Variants in PEBP4 observed in about 807,000 individuals in gnomAD.
PEBP4 encodes the protein phosphatidylethanolamine binding protein 4, also known as phosphatidylethanolamine-binding protein 4.
PEBP4 carries 22 observed loss-of-function variants against 23.9 expected under a neutral mutation model. The ratio of observed to expected loss-of-function variants is 0.92; its 90% CI spans 0.66 to 1.31. The LOEUF (loss-of-function observed/expected upper bound fraction) is 1.31, where lower values mean the gene tolerates loss of function less well. Among genes scored for constraint, PEBP4 ranks in the 40% most tolerant of loss-of-function variants. The probability of loss-of-function intolerance (pLI) is 0.00; values close to 1 mark genes in which losing one functional copy is unlikely to be tolerated. For missense variants in PEBP4, 324 were observed against 281.7 expected (o/e 1.15, Z -1.07); for synonymous variants, 112 against 99.3 (o/e 1.13, Z -0.76).
intron 3 of PEBP4, among the ~76,000 whole-genome samples, chr8:22,916,360 C>G (rs549184441): frequency 6.6e-6 from 1 of 152,304 alleles, no homozygotes; most frequent in East Asian, 1.9e-4. Context: ...GGGAGAAACG[C>G]TTCCTCTTAC....
intron 3 of PEBP4, chr8:22,884,906 A>C (rs969992452): frequency 8.5e-5 from 13 of 152,328 alleles, no homozygotes; most frequent in African/African-American, 3.1e-4. Flanking sequence ...CATCCTTCAA[A>C]GTATGGCCAA....
At chr8:22,905,783 T>A (rs1006780796) in intron 3 of PEBP4, among the ~76,000 whole-genome samples, 1 of 152,144 alleles carries the variant, frequency 6.6e-6, no homozygotes, top group Non-Finnish European at 1.5e-5. Flanking sequence ...GGCCCTGGGA[T>A]GTTGCTGGTG....
chr8:22,794,229 G>A (rs1301176067), intron 4 of PEBP4, among the ~76,000 whole-genome samples: 1 of 152,012 alleles, frequency 6.6e-6, no homozygotes, highest in African/African-American at 2.4e-5. Flanking sequence ...ACTAGGTATT[G>A]TCCTATGCAC....
intron 3 of PEBP4, among the ~76,000 whole-genome samples, chr8:22,854,926 A>ATGTGTGTGTG (rs113480248): frequency 1.2e-4 from 16 of 133,218 alleles, no homozygotes; most frequent in African/African-American, 3.6e-4. Flanking sequence ...TGAGATTAGA[A>ATGTGTGTGTG]TGTGTGTGTG....
chr8:22,760,570 C>CA lies in PEBP4; in HGVS notation c.358-33351dup, dbSNP rs542976165. Among the ~76,000 whole-genome samples, 728 of 151,590 alleles carry CA rather than the reference C, an allele frequency of 4.8e-3. 8 individuals carry two copies. The highest frequency in any genetic ancestry group is 0.017 in the African/African-American group (693 of 41,300). On this transcript the variant is annotated intron_variant, in intron 4 of 6. Transcript: ENST00000256404. The stretch of plus-strand genomic sequence containing the variant: ...GCTGAGGCCAGGGAAGGGAGGATGG[C>CA]AGGGGGGGCAGTTGAGTGGACAACG...
intron 1 of PEBP4, among the ~76,000 whole-genome samples, chr8:22,934,759 G>A (rs148485716): frequency 6.6e-6 from 1 of 152,346 alleles, no homozygotes; most frequent in East Asian, 1.9e-4. Context: ...TTGAGTCATT[G>A]TCTATCAGTA....
At chr8:22,851,258 C>A (rs866281897) in intron 3 of PEBP4, among the ~76,000 whole-genome samples, 2 of 152,152 alleles carry the variant, frequency 1.3e-5, no homozygotes, top group Admixed American at 6.5e-5. Context: ...GCGAAAGACC[C>A]GGAGCCCAAA....
At chr8:22,794,788 A>T (rs1806209309) in intron 4 of PEBP4, among the ~76,000 whole-genome samples, 1 of 152,130 alleles carries the variant, frequency 6.6e-6, no homozygotes, top group Non-Finnish European at 1.5e-5. Flanking sequence ...ACATGTGAAG[A>T]GGTATTTTCC....
Position 22,876,631 on chromosome 8 carries a change from G to A in PEBP4, c.258+43553C>T, listed in dbSNP as rs190528815. 1.3e-3 allele frequency among the ~76,000 whole-genome samples: 197 copies of A among 152,308 alleles called. 1 individual carries two copies. Among genetic ancestry groups the A allele is most frequent in the Non-Finnish European group, 1.8e-3 (122 of 68,026 alleles). The stretch of plus-strand genomic sequence containing the variant: ...TGCAGCCCAGGGGCACCTCACAAAC[G>A]TGCTTCATCGATGACAGTGTATGTT... On this transcript the variant is annotated intron_variant, in intron 3 of 6. Coordinates refer to ENST00000256404, the MANE Select transcript of PEBP4 (RefSeq NM_144962.3).
intron 4 of PEBP4, among the ~76,000 whole-genome samples, chr8:22,799,220 C>A (rs923484637): frequency 3.9e-5 from 6 of 152,208 alleles, no homozygotes; most frequent in Non-Finnish European, 8.8e-5. Flanking sequence ...ACATCTCTCA[C>A]TTTCTGTCAT....
intron 4 of PEBP4, among the ~76,000 whole-genome samples, chr8:22,781,475 C>T (rs1805913849): frequency 6.6e-6 from 1 of 152,146 alleles, no homozygotes; most frequent in Non-Finnish European, 1.5e-5. Context: ...ACAATTTTCT[C>T]AGCATCACAG....
intron 3 of PEBP4, among the ~76,000 whole-genome samples, chr8:22,822,355 G>GTGTGTGTGTGTGTGTGTGTGTGTGTA (rs1554489116): frequency 0.032 from 565 of 17,762 alleles, 4 homozygotes; most frequent in African/African-American, 0.043. Context: ...ATATACTAAA[G>GTGTGTGTGTGTGTGTGTGTGTGTGTA]TGTGTGTGTG....
At chr8:22,758,663 T>C (rs1057062487) in intron 4 of PEBP4, among the ~76,000 whole-genome samples, 1 of 152,194 alleles carries the variant, frequency 6.6e-6, no homozygotes, top group African/African-American at 2.4e-5. Context: ...ATTCTAATGA[T>C]GCCTACTTCA....
intron 4 of PEBP4, among the ~76,000 whole-genome samples, chr8:22,804,779 G>A (rs1295208365): frequency 2.0e-5 from 3 of 152,036 alleles, no homozygotes; most frequent in Non-Finnish European, 2.9e-5. Flanking sequence ...CTAACAAACG[G>A]TTAGAACCTC....
chr8:22,936,929 G>C (rs1176689345), intron 1 of PEBP4, among the ~76,000 whole-genome samples: 5 of 152,036 alleles, frequency 3.3e-5, no homozygotes, highest in Admixed American at 6.5e-5. Context: ...AACAAACTAG[G>C]AAGGGAAAGA....
intron 6 of PEBP4, among the ~76,000 whole-genome samples, chr8:22,723,711 G>T (rs574121822): frequency 6.6e-6 from 1 of 152,324 alleles, no homozygotes; most frequent in South Asian, 2.1e-4. Flanking sequence ...ACAGATTCAC[G>T]GATTGGCAAG....
intron 3 of PEBP4, among the ~76,000 whole-genome samples, chr8:22,824,536 C>G: frequency 6.6e-6 from 1 of 152,194 alleles, no homozygotes; most frequent in East Asian, 1.9e-4. Flanking sequence ...AAGCACATTA[C>G]ATTTATTGTG....
intron 4 of PEBP4, among the ~76,000 whole-genome samples, chr8:22,799,620 G>A (rs1056932340): frequency 6.6e-6 from 1 of 152,166 alleles, no homozygotes; most frequent in African/African-American, 2.4e-5. Flanking sequence ...TTGTTACATA[G>A]GTATACATGT....
intron 3 of PEBP4, chr8:22,896,283 T>C (rs911308465): frequency 6.6e-6 from 1 of 152,208 alleles, no homozygotes; most frequent in Non-Finnish European, 1.5e-5. Context: ...TAATCAGGAA[T>C]GGTTGAGTTT....
Sources: gnomAD v4.1 joint callset for allele counts (sites outside exome capture counted in the v4.1 genomes callset) on GRCh38, gnomAD v4.1.1 for gene constraint, MANE v1.5 for transcripts, NCBI Gene and HGNC (gene_info 2026-07-23, HGNC 2026-07-21) for gene names.